The following RBM39 variants were observed in gnomAD, a reference collection of about 807,000 sequenced individuals.
The protein encoded by RBM39 is RNA binding motif protein 39, also known as RNA-binding protein 39.
In RBM39, 12 loss-of-function variants were observed where a neutral mutation model predicts 79.6. That is an observed-to-expected ratio of 0.15 (90% confidence interval 0.10 to 0.24). RBM39 has a LOEUF of 0.24. Among genes scored for constraint, RBM39 ranks in the 10% least tolerant of loss-of-function variants. The probability of loss-of-function intolerance (pLI) is 1.00; values close to 1 mark genes in which losing one functional copy is unlikely to be tolerated. For synonymous variants in RBM39, 185 were observed against 208.4 expected, an observed-to-expected ratio of 0.89 and a Z score of 0.97; for missense variants, 243 against 653.4, an observed-to-expected ratio of 0.37 and a Z score of 6.85.
intron 10 of RBM39, among the ~76,000 whole-genome samples, chr20:35,716,272 C>T (rs906637326): frequency 6.6e-6 from 1 of 152,102 alleles, no homozygotes; most frequent in Admixed American, 6.6e-5. Context: ...CGGGGTTTCG[C>T]CATGTTGGCC....
rs2035880919 is a variant in RBM39 at position 35,707,446 on chromosome 20, A to AT, written c.1226-246dup. 4.1e-5 allele frequency: 12 copies of AT among 292,200 alleles called. 1 individual carries two copies. In the South Asian group the frequency reaches 6.9e-4, roughly 17 times the overall value. 18.1% of individuals were successfully genotyped at this position (292,200 alleles called of 1,614,324 possible). A position where few individuals can be genotyped will look rare whatever the true frequency, so the allele number is the denominator to read the frequency against. On this transcript the variant is annotated intron_variant, in intron 13 of 16. Transcript: ENST00000253363. ...TTGGGAGTCCTATTTTAACAGGGAA[A>AT]TTAAACTTTATGTGTTATCAAAATC... is the stretch of plus-strand genomic sequence containing the variant.
In RBM39 at chr20:35,724,739, G is replaced by A. The variant is rs552971532; in HGVS notation, c.535-17C>T. 117 of 1,611,766 alleles carry A rather than the reference G, an allele frequency of 7.3e-5. No individual in the cohort carries two copies. In the South Asian group the frequency reaches 1.3e-3, roughly 18 times the overall value. ...ATCTCGAACCTAGAAAGAAAACACA[G>A]TTGTTTGTGCAAACATCCATTGTAA... On this transcript the variant is annotated splice_polypyrimidine_tract_variant and intron_variant, in intron 7 of 16. Transcript: ENST00000253363.
chr20:35,720,983 CTGGAG>C (rs2094048665), intron 9 of RBM39, among the ~76,000 whole-genome samples: 2 of 151,152 alleles, frequency 1.3e-5, no homozygotes, highest in South Asian at 4.2e-4. Context: ...CCAGGCCAGG[CTGGAG>C]TGCAGTGGTG....
At chr20:35,712,808 T>C (rs968845324) in intron 12 of RBM39, among the ~76,000 whole-genome samples, 4 of 152,040 alleles carry the variant, frequency 2.6e-5, no homozygotes, top group Admixed American at 2.6e-4. Flanking sequence ...AAAACTGGGG[T>C]GCAGGGTTTA....
In RBM39 at chr20:35,732,042, C is replaced by G. The variant is rs1183725730; in HGVS notation, c.195G>C (p.Lys65Asn). Residue 65 changes from lysine (K) to asparagine (N), a missense_variant, in exon 4 of 17, where the codon AAG becomes AAC. Transcript: ENST00000253363. ...TTCGCTTTCTTTCACGGCTTTTGCT[C>G]TTTTTCCTTTCTCTGTCTCTACTTC... ...RKRSRDRERK[K>N]SKSRERKRSR... is the part of the protein sequence containing the mutation. The G allele has an allele frequency of 6.8e-6, 11 of 1,613,960 alleles. No homozygotes were observed. Among genetic ancestry groups the G allele is most frequent in the Non-Finnish European group, 8.5e-6 (10 of 1,180,034 alleles).
intron 6 of RBM39, among the ~76,000 whole-genome samples, chr20:35,727,241 C>A (rs906957021): frequency 6.6e-6 from 1 of 151,738 alleles, no homozygotes; most frequent in Non-Finnish European, 1.5e-5. Flanking sequence ...CCCAGCTACT[C>A]GGGAGGCTAA....
At chr20:35,738,253 G>A (rs557382239) in intron 3 of RBM39, among the ~76,000 whole-genome samples, 6 of 151,902 alleles carry the variant, frequency 3.9e-5, no homozygotes, top group Admixed American at 3.3e-4. Flanking sequence ...GGGCTACAGA[G>A]CAAGACTCCG....
At position 35,725,138 on chromosome 20, in the gene RBM39, A is replaced by G; in HGVS notation, c.434T>C (p.Leu145Ser). The stretch of plus-strand genomic sequence containing the variant: ...CCTTGCATCTCTTTCCTCAGGAGTT[A>G]AATTATCAATAGGTTCTCTAATAGG... ...KSPVREPIDN[L>S]TPEERDARTV... The change falls in exon 7 of 17, where the codon TTA (leucine) becomes TCA (serine). Residue 145 changes from leucine (L) to serine (S), a missense_variant. Transcript: ENST00000253363. 1.2e-6 allele frequency: 2 copies of G among 1,606,540 alleles called. No homozygotes were observed. Among genetic ancestry groups the G allele is most frequent in the Non-Finnish European group, 1.7e-6 (2 of 1,176,068 alleles).
At chr20:35,717,698 CAG>C (rs2037326310) in intron 9 of RBM39, among the ~76,000 whole-genome samples, 1 of 152,102 alleles carries the variant, frequency 6.6e-6, no homozygotes, top group Non-Finnish European at 1.5e-5. Context: ...AAAATTAAAA[CAG>C]AGCATCCAGC....
chr20:35,735,043 T>C (rs773341781), intron 3 of RBM39: 1 of 1,584,394 alleles, frequency 6.3e-7, no homozygotes. Context: ...ATTTGACCTC[T>C]TCCATGTAAG....
At chr20:35,714,465 T>C in intron 10 of RBM39, 76 bp from the exon 11 acceptor site, 1 of 1,437,938 alleles carries the variant, frequency 7.0e-7, no homozygotes, top group Non-Finnish European at 9.1e-7. Context: ...AAAATATATT[T>C]ATATTTTTAG....
rs1475276745 is a variant in RBM39 at position 35,722,457 on chromosome 20, GCTT to G, written c.688-583_688-581del. Among the ~76,000 whole-genome samples, 43 of 131,258 alleles carry G rather than the reference GCTT, an allele frequency of 3.3e-4. 1 individual carries two copies. The highest frequency in any genetic ancestry group is 1.2e-3 in the African/African-American group (39 of 33,070). 86.1% of individuals were successfully genotyped at this position (131,258 alleles called of 152,430 possible). A position where few individuals can be genotyped will look rare whatever the true frequency, so the allele number is the denominator to read the frequency against. On this transcript the variant is annotated intron_variant, in intron 8 of 16. Coordinates refer to ENST00000253363, the MANE Select transcript of RBM39 (RefSeq NM_184234.3). ...ATAAAAATAAAAAGTTTATTTAGAG[GCTT>G]TTTTTTTTTTTTTTTTGAGACAGTC... is the stretch of plus-strand genomic sequence containing the variant.
chr20:35,721,335 C>T (rs1260277337), intron 9 of RBM39, among the ~76,000 whole-genome samples: 2 of 152,130 alleles, frequency 1.3e-5, no homozygotes. Context: ...TAACAATTTT[C>T]CTTCTTTTGA....
intron 13 of RBM39, 46 bp downstream of exon 13, chr20:35,709,178 T>C: frequency 6.6e-7 from 1 of 1,509,832 alleles, no homozygotes; most frequent in African/African-American, 1.4e-5. Flanking sequence ...CTACATTTAA[T>C]TCTATTTCAA....
intron 6 of RBM39, among the ~76,000 whole-genome samples, chr20:35,725,718 A>C (rs1054296362): frequency 7.0e-6 from 1 of 143,650 alleles, no homozygotes; most frequent in Non-Finnish European, 1.5e-5. Flanking sequence ...CTTGGAGTGC[A>C]ACGGCGCCAT....
At chr20:35,715,648 G>A (rs189537327) in intron 10 of RBM39, among the ~76,000 whole-genome samples, 13 of 152,248 alleles carry the variant, frequency 8.5e-5, no homozygotes, top group South Asian at 2.1e-4. Context: ...ATGAATAGCT[G>A]GCTGACCCCT....
intron 14 of RBM39, among the ~76,000 whole-genome samples, chr20:35,706,777 C>T (rs980397926): frequency 6.6e-6 from 1 of 152,126 alleles, no homozygotes; most frequent in South Asian, 2.1e-4. Context: ...CCTGTAATCC[C>T]AGCACTTTGG....
chr20:35,729,047 T>C (rs954048665), intron 6 of RBM39, among the ~76,000 whole-genome samples: 98 of 151,442 alleles, frequency 6.5e-4, no homozygotes, highest in African/African-American at 2.3e-3. Context: ...CTGCACTCCA[T>C]CCTGGGTGAC....
At chr20:35,721,224 C>T (rs771788648) in intron 9 of RBM39, among the ~76,000 whole-genome samples, 11 of 152,132 alleles carry the variant, frequency 7.2e-5, no homozygotes, top group Non-Finnish European at 1.2e-4. Context: ...TGTGAGCCAC[C>T]GCACCCGGCC....
Sources: gnomAD v4.1 joint callset for allele counts (sites outside exome capture counted in the v4.1 genomes callset) on GRCh38, gnomAD v4.1.1 for gene constraint, MANE v1.5 for transcripts, NCBI Gene and HGNC (gene_info 2026-07-23, HGNC 2026-07-21) for gene names.